Variants in MSRA observed in about 807,000 individuals in gnomAD.
MSRA encodes methionine sulfoxide reductase A, also known as mitochondrial peptide methionine sulfoxide reductase.
MSRA carries 54 observed loss-of-function variants against 31.3 expected under a neutral mutation model. That is an observed-to-expected ratio of 1.73 (90% CI 1.39 to 2.17). The LOEUF (loss-of-function observed/expected upper bound fraction) is 2.17. Ranked by LOEUF, MSRA falls within the 30% of genes most tolerant of loss-of-function variation. The pLI is 0.00. For missense variants in MSRA, 507 were observed against 300.9 expected (o/e 1.69, Z -5.07); for synonymous variants, 169 against 116.5 (o/e 1.45, Z -2.90).
chr8:10,357,303 G>A (rs1188830051), intron 5 of MSRA, among the ~76,000 whole-genome samples: 6 of 152,072 alleles, frequency 3.9e-5, no homozygotes, highest in Non-Finnish European at 7.4e-5. Context: ...TTCCATTTGG[G>A]TACTCAGTGG....
intron 1 of MSRA, among the ~76,000 whole-genome samples, chr8:10,119,411 C>G (rs370522511): frequency 7.3e-4 from 111 of 152,268 alleles, no homozygotes; most frequent in African/African-American, 2.6e-3. Context: ...GACATGTGGA[C>G]GTGCTTTCTG....
At chr8:10,069,679 T>G (rs1797637773) in intron 1 of MSRA, among the ~76,000 whole-genome samples, 1 of 152,136 alleles carries the variant, frequency 6.6e-6, no homozygotes, top group African/African-American at 2.4e-5. Context: ...TTTATTCTCA[T>G]CCATGAGGGA....
chr8:10,079,945 C>T (rs76536604), intron 1 of MSRA, among the ~76,000 whole-genome samples: 4,806 of 152,156 alleles, frequency 0.032, 121 homozygotes, highest in African/African-American at 0.061. Flanking sequence ...GCTCTTTTTT[C>T]CTCCTGACCT....
intron 5 of MSRA, among the ~76,000 whole-genome samples, chr8:10,390,390 A>G (rs1806666457): frequency 6.6e-6 from 1 of 152,036 alleles, no homozygotes; most frequent in African/African-American, 2.4e-5. Flanking sequence ...CCAGTTGAGA[A>G]CCACTGACCT....
intron 3 of MSRA, among the ~76,000 whole-genome samples, chr8:10,275,444 G>T (rs544999116): frequency 5.9e-5 from 9 of 152,266 alleles, no homozygotes; most frequent in Middle Eastern, 3.4e-3. Flanking sequence ...CTGACACATG[G>T]GAATTTTAAA....
chr8:10,105,778 T>C (rs1441144516), intron 1 of MSRA, among the ~76,000 whole-genome samples: 4 of 152,224 alleles, frequency 2.6e-5, no homozygotes, highest in Non-Finnish European at 5.9e-5. Context: ...GCTCCTTGTG[T>C]ATCTTTTGTT....
chr8:10,206,127 C>G (rs77365715), intron 1 of MSRA, among the ~76,000 whole-genome samples: 1 of 152,154 alleles, frequency 6.6e-6, no homozygotes, highest in East Asian at 1.9e-4. Flanking sequence ...TGATATGGGT[C>G]AAGGCAAATG....
intron 1 of MSRA, among the ~76,000 whole-genome samples, chr8:10,102,882 A>G (rs1409443563): frequency 1.3e-5 from 2 of 152,062 alleles, no homozygotes; most frequent in Non-Finnish European, 2.9e-5. Flanking sequence ...TTAGTTTTGT[A>G]CTGGGTGCAG....
chr8:10,427,443 G>A (rs547332274), intron 5 of MSRA, among the ~76,000 whole-genome samples: 5 of 152,266 alleles, frequency 3.3e-5, no homozygotes, highest in African/African-American at 9.6e-5. Flanking sequence ...AAACTAGGAC[G>A]CAGAGGGTGG....
intron 1 of MSRA, among the ~76,000 whole-genome samples, chr8:10,162,159 C>T (rs1315680325): frequency 3.3e-5 from 5 of 152,112 alleles, no homozygotes; most frequent in African/African-American, 2.4e-5. Flanking sequence ...GAGTGGTCTG[C>T]GGTGGAACAG....
chr8:10,425,987 C>T (rs898470206), intron 5 of MSRA, among the ~76,000 whole-genome samples: 4 of 152,174 alleles, frequency 2.6e-5, no homozygotes, highest in Non-Finnish European at 4.4e-5. Flanking sequence ...AGATGGCACC[C>T]CCCACAGACG....
chr8:10,178,438 T>A (rs1008658216), intron 1 of MSRA, among the ~76,000 whole-genome samples: 12 of 151,764 alleles, frequency 7.9e-5, no homozygotes, highest in Non-Finnish European at 1.6e-4. Flanking sequence ...TGAAAAAAAA[T>A]TTGAAATAAA....
rs184631314 is a variant in MSRA at position 10,351,411 on chromosome 8, G to A, written c.543+31422G>A. Reference sequence around the variant, plus strand: ...TGGGACCACAGGCATGCGCCACCACGCCTAGCTAATTTTTGTATTTTTGGT... The same window carrying A: ...TGGGACCACAGGCATGCGCCACCACACCTAGCTAATTTTTGTATTTTTGGT... On this transcript the variant is annotated intron_variant, in intron 5 of 5. Transcript: ENST00000317173. Among the ~76,000 whole-genome samples, 17 of 152,020 alleles carry A rather than the reference G, an allele frequency of 1.1e-4. 1 individual carries two copies. In the East Asian group the frequency reaches 2.7e-3, roughly 24 times the overall value.
At chr8:10,273,230 G>A (rs921622284) in intron 3 of MSRA, among the ~76,000 whole-genome samples, 3 of 152,038 alleles carry the variant, frequency 2.0e-5, no homozygotes, top group African/African-American at 7.3e-5. Context: ...AATAAAAATG[G>A]TATTCTTCCA....
chr8:10,237,833 C>G (rs1006831320), intron 2 of MSRA, among the ~76,000 whole-genome samples: 6 of 152,224 alleles, frequency 3.9e-5, no homozygotes, highest in Non-Finnish European at 7.3e-5. Context: ...ACTTCCTCCA[C>G]CACCACTTGG....
intron 1 of MSRA, among the ~76,000 whole-genome samples, chr8:10,171,547 A>G (rs1480127896): frequency 6.6e-6 from 1 of 152,212 alleles, no homozygotes; most frequent in Non-Finnish European, 1.5e-5. Flanking sequence ...AAATGTAAGA[A>G]GAAATATACT....
intron 3 of MSRA, among the ~76,000 whole-genome samples, chr8:10,265,748 C>G (rs1410796258): frequency 6.6e-6 from 1 of 152,262 alleles, no homozygotes; most frequent in East Asian, 1.9e-4. Flanking sequence ...ATGCCTTCAT[C>G]ATTCCTCCCC....
At chr8:10,102,294 C>T (rs1189697934) in intron 1 of MSRA, among the ~76,000 whole-genome samples, 1 of 152,172 alleles carries the variant, frequency 6.6e-6, no homozygotes, top group South Asian at 2.1e-4. Flanking sequence ...TGTTATAGTT[C>T]TACCAGTGCT....
chr8:10,271,420 A>T (rs1799031443), intron 3 of MSRA, among the ~76,000 whole-genome samples: 1 of 94,882 alleles, frequency 1.1e-5, no homozygotes, highest in Non-Finnish European at 2.1e-5. Context: ...ACCAAATACG[A>T]TGTGAGGACT....
Sources: gnomAD v4.1 joint callset for allele counts (sites outside exome capture counted in the v4.1 genomes callset) on GRCh38, gnomAD v4.1.1 for gene constraint, MANE v1.5 for transcripts, NCBI Gene and HGNC (gene_info 2026-07-23, HGNC 2026-07-21) for gene names.